Variants in GRM8 observed in about 807,000 individuals in gnomAD.
GRM8 encodes the protein metabotropic glutamate receptor 8.
Under a neutral mutation model 87.2 loss-of-function variants are expected in GRM8, and 47 were observed. The ratio of observed to expected loss-of-function variants is 0.54; its 90% CI spans 0.43 to 0.69. GRM8 has a LOEUF of 0.69. Ranked by LOEUF, GRM8 falls within the 30% of genes least tolerant of loss-of-function variation. The probability of loss-of-function intolerance (pLI) is 0.00; values close to 1 mark genes in which losing one functional copy is unlikely to be tolerated. For missense variants in GRM8, 1,019 were observed against 1,139.2 expected (o/e 0.89, Z 1.52); for synonymous variants, 396 against 404.5 (o/e 0.98, Z 0.25).
chr7:126,720,073 GCTT>G (rs1397114764), intron 7 of GRM8, among the ~76,000 whole-genome samples: 2 of 151,022 alleles, frequency 1.3e-5, no homozygotes, highest in Non-Finnish European at 1.5e-5. Context: ...CTCTCCTTCT[GCTT>G]CTTACCTTCC....
At chr7:127,237,551 C>T (rs1228231676) in intron 2 of GRM8, among the ~76,000 whole-genome samples, 1 of 152,224 alleles carries the variant, frequency 6.6e-6, no homozygotes, top group Non-Finnish European at 1.5e-5. Flanking sequence ...AAACAAGCTG[C>T]TTCTCAGTAT....
intron 7 of GRM8, among the ~76,000 whole-genome samples, chr7:126,666,704 G>C (rs1805812487): frequency 6.6e-6 from 1 of 151,668 alleles, no homozygotes; most frequent in Non-Finnish European, 1.5e-5. Flanking sequence ...AAAAGAATAA[G>C]AACAAAAATA....
chr7:126,978,830 C>T (rs1236425954), intron 3 of GRM8, among the ~76,000 whole-genome samples: 1 of 152,174 alleles, frequency 6.6e-6, no homozygotes, highest in African/African-American at 2.4e-5. Flanking sequence ...GGGAGGTGAA[C>T]CAATCTTCAG....
chr7:126,634,703 T>C, intron 7 of GRM8, among the ~76,000 whole-genome samples: 1 of 152,054 alleles, frequency 6.6e-6, no homozygotes, highest in East Asian at 1.9e-4. Flanking sequence ...GATTGTACAT[T>C]TTCATCATCT....
intron 9 of GRM8, among the ~76,000 whole-genome samples, chr7:126,528,330 C>T (rs1182509966): frequency 1.3e-5 from 2 of 152,144 alleles, no homozygotes; most frequent in Non-Finnish European, 2.9e-5. Flanking sequence ...CAAATCACAT[C>T]CTCCTACGCA....
At chr7:126,684,747 TCTA>T (rs1479790696) in intron 7 of GRM8, among the ~76,000 whole-genome samples, 1 of 152,228 alleles carries the variant, frequency 6.6e-6, no homozygotes, top group Non-Finnish European at 1.5e-5. Context: ...GTCTAGATTT[TCTA>T]CTAGTTTAGG....
chr7:126,632,033 G>A (rs900983533), intron 7 of GRM8, among the ~76,000 whole-genome samples: 1 of 152,156 alleles, frequency 6.6e-6, no homozygotes, highest in African/African-American at 2.4e-5. Flanking sequence ...TGACAAATTG[G>A]ATCTAATTAT....
chr7:126,607,832 A>G (rs894747268), intron 8 of GRM8, among the ~76,000 whole-genome samples: 12 of 148,192 alleles, frequency 8.1e-5, no homozygotes, highest in African/African-American at 2.5e-4. Flanking sequence ...ATATCACCCA[A>G]TGCTATCCCT....
intron 9 of GRM8, among the ~76,000 whole-genome samples, chr7:126,455,755 A>C (rs1384076112): frequency 6.6e-6 from 1 of 151,724 alleles, no homozygotes; most frequent in Non-Finnish European, 1.5e-5. Flanking sequence ...CATGCAGAAG[A>C]CATTGCTGCA....
chr7:126,918,104 G>A (rs1219633806), intron 3 of GRM8, among the ~76,000 whole-genome samples: 3 of 152,102 alleles, frequency 2.0e-5, no homozygotes, highest in Non-Finnish European at 2.9e-5. Context: ...TATCATATAG[G>A]GCAGCCTAGG....
intron 7 of GRM8, among the ~76,000 whole-genome samples, chr7:126,732,109 T>C (rs963831756): frequency 6.6e-6 from 1 of 152,080 alleles, no homozygotes; most frequent in Non-Finnish European, 1.5e-5. Context: ...ATTTCTTGTA[T>C]ACAGTCATTA....
At chr7:126,755,299 T>G (rs1175168140) in intron 7 of GRM8, among the ~76,000 whole-genome samples, 1 of 151,960 alleles carries the variant, frequency 6.6e-6, no homozygotes, top group Non-Finnish European at 1.5e-5. Flanking sequence ...GTATAAGAAG[T>G]GTCAATTCTC....
intron 2 of GRM8, among the ~76,000 whole-genome samples, chr7:127,222,897 G>T (rs768475165): frequency 6.6e-6 from 1 of 152,180 alleles, no homozygotes; most frequent in Non-Finnish European, 1.5e-5. Flanking sequence ...CTGTTCTCCA[G>T]TGCTTGAGAC....
chr7:127,206,319 G>A (rs543223247), intron 2 of GRM8, among the ~76,000 whole-genome samples: 21 of 152,148 alleles, frequency 1.4e-4, no homozygotes, highest in East Asian at 1.9e-4. Flanking sequence ...CAGAACAGCC[G>A]GAGTATATTA....
At chr7:126,593,047 T>C (rs1796838181) in intron 8 of GRM8, among the ~76,000 whole-genome samples, 1 of 151,922 alleles carries the variant, frequency 6.6e-6, no homozygotes, top group South Asian at 2.1e-4. Context: ...GTGAATAAAC[T>C]TAACGAGGAG....
rs758755548 is a variant in GRM8, at chr7:126,609,489, C to T, written c.1367G>A (p.Gly456Asp). 1.9e-6 allele frequency: 3 copies of T among 1,610,600 alleles called. No individual in the cohort carries two copies. The highest frequency in any genetic ancestry group is 2.5e-6 in the Non-Finnish European group (3 of 1,177,252). ...GTTTTCATTAAAAGTGACAGGAGTGCCAGCACTGCCTATAAAGATTTAGAA... is the reference window on the plus strand; with the variant it reads ...GTTTTCATTAAAAGTGACAGGAGTGTCAGCACTGCCTATAAAGATTTAGAA... ...IRAVNFNGSAGTPVTFNENGD... is the reference protein window; with the variant it reads ...IRAVNFNGSADTPVTFNENGD... Residue 456 changes from glycine (G) to aspartate (D), a missense_variant, in exon 8 of 11, where the codon GGC (glycine) becomes GAC (aspartate). Gly to Asp is a moderately conservative substitution (Grantham distance 94). Transcript: ENST00000339582.
At chr7:126,565,753 G>A (rs1482869955) in intron 8 of GRM8, among the ~76,000 whole-genome samples, 1 of 152,064 alleles carries the variant, frequency 6.6e-6, no homozygotes, top group African/African-American at 2.4e-5. Flanking sequence ...GAAGAACACA[G>A]CAGGAGGCAT....
intron 3 of GRM8, among the ~76,000 whole-genome samples, chr7:127,081,302 A>C (rs1822843684): frequency 6.6e-6 from 1 of 152,146 alleles, no homozygotes; most frequent in Admixed American, 6.5e-5. Context: ...ATCCCTGTGC[A>C]GTAGAGCAGG....
At chr7:126,762,302 G>A (rs78442660) in intron 7 of GRM8, among the ~76,000 whole-genome samples, 1 of 151,586 alleles carries the variant, frequency 6.6e-6, no homozygotes, top group Non-Finnish European at 1.5e-5. Context: ...ATTCAGACCT[G>A]GAAGAGAACT....
Sources: gnomAD v4.1 joint callset for allele counts (sites outside exome capture counted in the v4.1 genomes callset) on GRCh38, gnomAD v4.1.1 for gene constraint, MANE v1.5 for transcripts, NCBI Gene and HGNC (gene_info 2026-07-23, HGNC 2026-07-21) for gene names.